FOXP1: variants seen among roughly 807,000 people sequenced by gnomAD.
FOXP1 encodes forkhead box P1.
In FOXP1, 15 loss-of-function variants were observed where a neutral mutation model predicts 98.2. The observed-to-expected ratio is 0.15, with a 90% CI of 0.10 to 0.24. FOXP1 has a LOEUF of 0.24. Among genes scored for constraint, FOXP1 ranks in the 10% least tolerant of loss-of-function variants. FOXP1 has a pLI of 1.00. For missense variants in FOXP1, 633 were observed against 848.5 expected (o/e 0.75, Z 3.15); for synonymous variants, 371 against 314.5 (o/e 1.18, Z -1.90).
In FOXP1 at chr3:71,248,278, A is replaced by G. The variant is rs538872587; in HGVS notation, c.-11-49886T>C. Among the ~76,000 whole-genome samples, 6 of 152,148 alleles carry G rather than the reference A, an allele frequency of 3.9e-5. No individual in the cohort carries two copies. The East Asian group carries it at 1.2e-3, about 29-fold the overall frequency. On this transcript the variant is annotated intron_variant, in intron 5 of 20. Coordinates refer to ENST00000649528, the MANE Select transcript of FOXP1 (RefSeq NM_001349338.3). The stretch of plus-strand genomic sequence containing the variant: ...CAACTAAGCACACACAAATCAATTA[A>G]CTCTCATAACTAATATTCAAAATCT...
chr3:71,169,493 C>T (rs575750682), intron 6 of FOXP1, among the ~76,000 whole-genome samples: 5 of 152,260 alleles, frequency 3.3e-5, no homozygotes, highest in African/African-American at 1.2e-4. Flanking sequence ...ACATTCTAGC[C>T]TCATGTTCCT....
chr3:71,571,751 G>A (rs72628636), intron 2 of FOXP1: 3 of 152,132 alleles, frequency 2.0e-5, no homozygotes, highest in Non-Finnish European at 4.4e-5. Flanking sequence ...AATGAACAGT[G>A]TATTATTTAT....
chr3:71,574,710 G>A (rs2047595414), intron 2 of FOXP1, among the ~76,000 whole-genome samples: 1 of 152,156 alleles, frequency 6.6e-6, no homozygotes, highest in Admixed American at 6.5e-5. Flanking sequence ...AGAGTCATCT[G>A]ACACTAATTG....
chr3:71,285,624 C>T (rs1018407104), intron 5 of FOXP1, among the ~76,000 whole-genome samples: 4 of 152,058 alleles, frequency 2.6e-5, no homozygotes, highest in Admixed American at 6.6e-5. Flanking sequence ...AAATTAAATC[C>T]GAGAAAGGGT....
intron 7 of FOXP1, among the ~76,000 whole-genome samples, chr3:71,083,278 T>G (rs565950065): frequency 6.6e-6 from 1 of 152,184 alleles, no homozygotes; most frequent in East Asian, 1.9e-4. Flanking sequence ...GCTCTTGCCA[T>G]GTGACATGCT....
intron 5 of FOXP1, among the ~76,000 whole-genome samples, chr3:71,250,825 G>A (rs2068126384): frequency 6.6e-6 from 1 of 152,116 alleles, no homozygotes; most frequent in Non-Finnish European, 1.5e-5. Flanking sequence ...CAGCTACTCA[G>A]GAGGCTGAGG....
intron 6 of FOXP1, among the ~76,000 whole-genome samples, chr3:71,162,729 G>A (rs868163257): frequency 2.0e-5 from 3 of 152,126 alleles, no homozygotes; most frequent in African/African-American, 2.4e-5. Flanking sequence ...AACCCAAAAA[G>A]CTTCCTTTGG....
chr3:71,378,316 T>G (rs560833192), intron 3 of FOXP1, among the ~76,000 whole-genome samples: 1 of 152,176 alleles, frequency 6.6e-6, no homozygotes, highest in Non-Finnish European at 1.5e-5. Flanking sequence ...TACAGTATCA[T>G]ATACTATGAT....
intron 6 of FOXP1, among the ~76,000 whole-genome samples, chr3:71,154,353 T>G (rs981439503): frequency 6.6e-6 from 1 of 152,162 alleles, no homozygotes; most frequent in Non-Finnish European, 1.5e-5. Flanking sequence ...ATCCTGGAAT[T>G]TCTTAAGACT....
chr3:71,141,698 A>T (rs899383368), intron 6 of FOXP1, among the ~76,000 whole-genome samples: 1 of 152,174 alleles, frequency 6.6e-6, no homozygotes, highest in African/African-American at 2.4e-5. Context: ...CTGATACTAC[A>T]GTCTAGCAGG....
chr3:71,384,078 G>C (rs1364968149), intron 3 of FOXP1, among the ~76,000 whole-genome samples: 2 of 152,144 alleles, frequency 1.3e-5, no homozygotes, highest in African/African-American at 4.8e-5. Flanking sequence ...AATTAGCCAG[G>C]CATGGTGGTG....
At chr3:71,181,984 G>A (rs989424690) in intron 6 of FOXP1, among the ~76,000 whole-genome samples, 11 of 147,876 alleles carry the variant, frequency 7.4e-5, no homozygotes, top group Non-Finnish European at 1.5e-4. Context: ...GCAGTGAGCC[G>A]AGATCGCGCC....
chr3:71,108,823 TG>T lies in FOXP1; in HGVS notation c.282+3712del, dbSNP rs2057667362. Among the ~76,000 whole-genome samples, 5 of 152,312 alleles carry T rather than the reference TG, an allele frequency of 3.3e-5. No homozygotes were observed. The South Asian group carries it at 8.3e-4, about 25-fold the overall frequency. ...TAATTTTCGTTTTGCAGCAAAATCT[TG>T]TTAATTTGTTTACAACTCATAAGCC... On this transcript the variant is annotated intron_variant, in intron 7 of 20. Coordinates refer to ENST00000649528, the MANE Select transcript of FOXP1 (RefSeq NM_001349338.3).
chr3:71,209,709 A>G (rs772712077), intron 5 of FOXP1, among the ~76,000 whole-genome samples: 4 of 152,232 alleles, frequency 2.6e-5, no homozygotes, highest in Admixed American at 6.5e-5. Context: ...GATGTGCACT[A>G]CCACATAAAG....
At chr3:71,095,056 C>G (rs554939091) in intron 7 of FOXP1, among the ~76,000 whole-genome samples, 1 of 152,224 alleles carries the variant, frequency 6.6e-6, no homozygotes, top group Admixed American at 6.5e-5. Context: ...AATGGTGAGG[C>G]CTCTGGAATA....
At chr3:71,098,577 C>T (rs1414673815) in intron 7 of FOXP1, among the ~76,000 whole-genome samples, 1 of 152,152 alleles carries the variant, frequency 6.6e-6, no homozygotes, top group Non-Finnish European at 1.5e-5. Context: ...GAAGCCTCTT[C>T]AACTGTGAAC....
chr3:71,154,381 G>C (rs1576076100), intron 6 of FOXP1, among the ~76,000 whole-genome samples: 1 of 152,110 alleles, frequency 6.6e-6, no homozygotes, highest in African/African-American at 2.4e-5. Flanking sequence ...ACTGTAATGT[G>C]CCTGGGAATC....
In FOXP1 at chr3:71,556,033, A is replaced by G. The variant is rs553368369; in HGVS notation, c.-298+25516T>C. On this transcript the variant is annotated intron_variant, in intron 2 of 20. Coordinates refer to ENST00000649528, the MANE Select transcript of FOXP1 (RefSeq NM_001349338.3). ...TCTGTCTTACAGAATGTTATAAGGCATAAATGAAAGGAAGGAAAACATAAA... is the reference window on the plus strand; with the variant it reads ...TCTGTCTTACAGAATGTTATAAGGCGTAAATGAAAGGAAGGAAAACATAAA... Among the ~76,000 whole-genome samples the G allele has an allele frequency of 1.4e-3, 216 of 152,296 alleles. 6 individuals carry two copies. Among genetic ancestry groups the G allele is most frequent in the Admixed American group, 0.012 (188 of 15,296 alleles).
At chr3:71,395,173 ATCTGGAGACTGTTTCACTGAT>A (rs1392052001) in intron 3 of FOXP1, among the ~76,000 whole-genome samples, 2 of 149,914 alleles carry the variant, frequency 1.3e-5, no homozygotes, top group East Asian at 3.9e-4. Flanking sequence ...CCTAGTTAAT[ATCTGGAGACTGTTTCACTGAT>A]TCTATTATTT....
Sources: allele counts gnomAD v4.1 joint callset (sites outside exome capture counted in the v4.1 genomes callset), GRCh38; gene constraint gnomAD v4.1.1; transcripts MANE v1.5; gene names NCBI Gene and HGNC (gene_info 2026-07-23, HGNC 2026-07-21).